The following DNAJB1 variants were observed in gnomAD, a reference collection of about 807,000 sequenced individuals.
DNAJB1 encodes DnaJ heat shock protein family (Hsp40) member B1, also known as dnaJ homolog subfamily B member 1.
A neutral mutation model predicts 24.0 loss-of-function variants in DNAJB1; 14 were observed. That is an observed-to-expected ratio of 0.58 (90% confidence interval 0.39 to 0.91). The LOEUF is 0.91. DNAJB1 is among the 40% of genes least tolerant of loss of function. The pLI is 0.00. For synonymous variants in DNAJB1, 262 were observed against 174.4 expected (o/e 1.50, Z -3.96); for missense variants, 517 against 458.1 (o/e 1.13, Z -1.17).
intron 1 of DNAJB1, among the ~76,000 whole-genome samples, chr19:14,543,419 A>ATTTTTTTTTTT (rs1169742953): frequency 4.6e-5 from 1 of 21,890 alleles, no homozygotes; most frequent in Non-Finnish European, 7.3e-5. Flanking sequence ...ATATATATAT[A>ATTTTTTTTTTT]TTTTTTTTTT....
upstream of DNAJB1, chr19:14,530,940 C>T (rs953368032): frequency 1.3e-5 from 2 of 152,188 alleles, no homozygotes; most frequent in Admixed American, 6.6e-5. Flanking sequence ...ACTCCCCATT[C>T]CTCTCCACCT....
rs2072887650 is a variant in DNAJB1 at position 14,536,087 on chromosome 19, AG to A, written c.-213-8278del. 2.0e-5 allele frequency among the ~76,000 whole-genome samples: 3 copies of A among 152,182 alleles called. No individual in the cohort carries two copies. In the South Asian group the frequency reaches 6.2e-4, roughly 32 times the overall value. On this transcript the variant is annotated intron_variant, in intron 1 of 3. Transcript: ENST00000676982. ...TACAGATGAGGGACCTGAGACCCAG[AG>A]AACAAGGCCTTTTCCAGGGCTGCAG...
At chr19:14,531,352 C>G (rs2072652135), upstream of DNAJB1, 1 of 152,040 alleles carries the variant, frequency 6.6e-6, no homozygotes, top group Non-Finnish European at 1.5e-5. Flanking sequence ...TTTTTATTGA[C>G]AAGTTGAATA....
chr19:14,542,034 C>T (rs946001056), intron 1 of DNAJB1, among the ~76,000 whole-genome samples: 7 of 152,082 alleles, frequency 4.6e-5, no homozygotes, highest in Non-Finnish European at 1.0e-4. Flanking sequence ...CCGCCCACCT[C>T]GGCCTTCCAG....
chr19:14,529,409 G>T (rs564405303), upstream of DNAJB1: 87 of 586,470 alleles, frequency 1.5e-4, 1 homozygote, highest in South Asian at 1.5e-3. Flanking sequence ...CTTCTCTTTA[G>T]CCCCTCCTAC....
At chr19:14,526,345 T>C (rs2072425139) in intron 2 of DNAJB1, among the ~76,000 whole-genome samples, 1 of 152,190 alleles carries the variant, frequency 6.6e-6, no homozygotes, top group Non-Finnish European at 1.5e-5. Flanking sequence ...GGGGCCACAG[T>C]ACAGTGTCCT....
At chr19:14,529,831 G>C, upstream of DNAJB1, 1 of 1,408,794 alleles carries the variant, frequency 7.1e-7, no homozygotes, top group African/African-American at 1.4e-5. Context: ...AGACGGCGCA[G>C]GCGCAGTGGG....
At chr19:14,531,901 C>G (rs1221250393), upstream of DNAJB1, 1 of 150,474 alleles carries the variant, frequency 6.6e-6, no homozygotes, top group African/African-American at 2.4e-5. Flanking sequence ...CTCAGCTACT[C>G]GGGAGGCTGA....
At chr19:14,559,463 C>G (rs1396968174) in intron 1 of DNAJB1, among the ~76,000 whole-genome samples, 1 of 152,200 alleles carries the variant, frequency 6.6e-6, no homozygotes, top group Non-Finnish European at 1.5e-5. Context: ...TTTTACCCCA[C>G]CTGGAATATC....
intron 1 of DNAJB1, among the ~76,000 whole-genome samples, chr19:14,549,962 ATAAAC>A (rs2073439168): frequency 6.6e-6 from 1 of 151,948 alleles, no homozygotes; most frequent in Non-Finnish European, 1.5e-5. Context: ...AATAAAAAAA[ATAAAC>A]TATACACCTG....
At chr19:14,519,465 C>G (rs754331687), upstream of DNAJB1, among the ~76,000 whole-genome samples, 8 of 152,218 alleles carry the variant, frequency 5.3e-5, no homozygotes, top group Non-Finnish European at 1.0e-4. Flanking sequence ...GGACGGAAGA[C>G]TGCCTCTGTT....
chr19:14,556,816 G>C (rs963342908), intron 1 of DNAJB1, among the ~76,000 whole-genome samples: 1 of 152,204 alleles, frequency 6.6e-6, no homozygotes, highest in Non-Finnish European at 1.5e-5. Flanking sequence ...GAGTAAGTCT[G>C]TGCGGCCACA....
chr19:14,541,220 T>C (rs1416623136), intron 1 of DNAJB1, among the ~76,000 whole-genome samples: 1 of 152,098 alleles, frequency 6.6e-6, no homozygotes, highest in Non-Finnish European at 1.5e-5. Flanking sequence ...TCAAGTGATC[T>C]CCTGCCTCAG....
upstream of DNAJB1, among the ~76,000 whole-genome samples, chr19:14,534,423 C>CTTTTTTTTT (rs756051119): frequency 3.8e-5 from 2 of 52,452 alleles, 1 homozygote; most frequent in African/African-American, 1.9e-4. Context: ...CATGCCTGGC[C>CTTTTTTTTT]TTTTTTTTTT....
intron 1 of DNAJB1, chr19:14,545,058 C>T (rs1378405410): frequency 2.2e-6 from 1 of 456,504 alleles, no homozygotes. Context: ...GTTTCTAAGC[C>T]TCTCACCACT....
rs1485189969 is a variant in DNAJB1 at position 14,543,415 on chromosome 19, ATATATTTTTTTTTTTTTTTTTTTTT to A, written c.-214+6768_-214+6792del. Among the ~76,000 whole-genome samples, 25 of 9,484 alleles carry A rather than the reference ATATATTTTTTTTTTTTTTTTTTTTT, an allele frequency of 2.6e-3. No individual in the cohort carries two copies. In the South Asian group the frequency reaches 0.11, roughly 43 times the overall value. 6.2% of individuals were successfully genotyped at this position (9,484 alleles called of 152,430 possible). Reference sequence around the variant, plus strand: ...TATATATATATATATATATATATATATATATTTTTTTTTTTTTTTTTTTTTTTTTTTTTTTTTTTTTGAGACGGAG... The same window carrying A: ...TATATATATATATATATATATATATATTTTTTTTTTTTTTTTGAGACGGAG... On this transcript the variant is annotated intron_variant, in intron 1 of 3. Transcript: ENST00000676982.
At chr19:14,535,693 C>A (rs73002838) in intron 1 of DNAJB1, among the ~76,000 whole-genome samples, 2 of 129,718 alleles carry the variant, frequency 1.5e-5, no homozygotes, top group Admixed American at 1.7e-4. Context: ...AGGTGGAGGT[C>A]GCGGACGAGC....
chr19:14,516,359 A>T (rs2146518748), intron 2 of DNAJB1, 107 bp downstream of exon 2: 1 of 1,350,912 alleles, frequency 7.4e-7, no homozygotes, highest in Non-Finnish European at 1.0e-6. Flanking sequence ...GTTGTGCCCC[A>T]AGCCTGGCAC....
intron 2 of DNAJB1, among the ~76,000 whole-genome samples, chr19:14,524,387 C>T (rs978658301): frequency 6.6e-6 from 1 of 151,892 alleles, no homozygotes; most frequent in Non-Finnish European, 1.5e-5. Flanking sequence ...AAGAAATAAG[C>T]TGGGCATGGT....
Sources: allele counts gnomAD v4.1 joint callset (sites outside exome capture counted in the v4.1 genomes callset), GRCh38; gene constraint gnomAD v4.1.1; transcripts MANE v1.5; gene names NCBI Gene and HGNC (gene_info 2026-07-23, HGNC 2026-07-21).